ECSCR: variants seen among roughly 807,000 people sequenced by gnomAD.
ECSCR encodes the protein endothelial cell surface expressed chemotaxis and apoptosis regulator, also known as endothelial cell-specific chemotaxis regulator.
ECSCR carries 12 observed loss-of-function variants against 16.7 expected under a neutral mutation model. The ratio of observed to expected loss-of-function variants is 0.72; its 90% CI spans 0.46 to 1.17. The LOEUF (loss-of-function observed/expected upper bound fraction) is 1.17, where lower values mean the gene tolerates loss of function less well. ECSCR is among the 50% of genes most tolerant of loss of function. The pLI is 0.00. For synonymous variants in ECSCR, 44 were observed against 42.2 expected (o/e 1.04, Z -0.17); for missense variants, 122 against 116.1 (o/e 1.05, Z -0.23).
chr5:139,454,163 T>G (rs1295952866), intron 8 of ECSCR, among the ~76,000 whole-genome samples: 3 of 133,364 alleles, frequency 2.2e-5, no homozygotes, highest in Non-Finnish European at 4.8e-5. Context: ...GTGTGTGTGG[T>G]GTGTGGGTAT....
rs372781620 is a variant in ECSCR at position 139,451,354 on chromosome 5, T to C, written c.513-2180A>G. Among the ~76,000 whole-genome samples, 1,086 of 150,518 alleles carry C rather than the reference T, an allele frequency of 7.2e-3. 5 individuals are homozygous for C. The highest frequency in any genetic ancestry group is 0.012 in the South Asian group (57 of 4,778). On this transcript the variant is annotated intron_variant, in intron 8 of 9. Transcript: ENST00000618155. ...GTATATGTTGTGTGTATGTATAATA[T>C]GGGGTACATATGTGTTTTTTATGTG... is the stretch of plus-strand genomic sequence containing the variant.
rs1750970840 is a variant in ECSCR at position 139,449,007 on chromosome 5, C to A, written c.609+71G>T. The A allele has an allele frequency of 6.5e-6, 10 of 1,533,446 alleles. No individual in the cohort carries two copies. In the East Asian group the frequency reaches 2.4e-4, roughly 37 times the overall value. 95.0% of individuals were successfully genotyped at this position (1,533,446 alleles called of 1,614,324 possible). A position where few individuals can be genotyped will look rare whatever the true frequency, so the allele number is the denominator to read the frequency against. ...CAGAGTCTTTGAAAGTATCTCCTTT[C>A]TGGCCTGAAAGTAGGAGGAGGAAGG... On this transcript the variant is annotated intron_variant, in intron 9 of 9. Coordinates refer to ENST00000618155, the MANE Select transcript of ECSCR (RefSeq NM_001077693.4).
chr5:139,458,250 C>G (rs1193113306), intron 1 of ECSCR, 67 bp from the exon 2 acceptor site: 10 of 1,450,074 alleles, frequency 6.9e-6, no homozygotes, highest in Non-Finnish European at 9.5e-6. Context: ...AGAAAGGAAC[C>G]CTTAGAATGC....
chr5:139,460,034 C>G (rs1421510529), intron 1 of ECSCR, among the ~76,000 whole-genome samples: 1 of 152,158 alleles, frequency 6.6e-6, no homozygotes, highest in African/African-American at 2.4e-5. Flanking sequence ...AGAGAAAACC[C>G]TTTCTAGCTG....
chr5:139,462,508 G>A, intron 1 of ECSCR, 102 bp downstream of exon 1: 1 of 1,222,816 alleles, frequency 8.2e-7, no homozygotes, highest in East Asian at 2.5e-5. Flanking sequence ...CCTGGGCACA[G>A]CCCCTGGATG....
In ECSCR at chr5:139,449,071, A is replaced by T; in HGVS notation, c.609+7T>A. ...GGGGAAGGAAGGCAGGAAACAGAAA[A>T]ATGTACCTTCTCTGCTGAGAGACTT... On this transcript the variant is annotated splice_region_variant and intron_variant, in intron 9 of 9. Coordinates refer to ENST00000618155, the MANE Select transcript of ECSCR (RefSeq NM_001077693.4). 6.5e-7 allele frequency: 1 copy of T among 1,536,894 alleles called. No individual in the cohort carries two copies. Among genetic ancestry groups the T allele is most frequent in the Non-Finnish European group, 8.7e-7 (1 of 1,146,628 alleles).
At chr5:139,460,650 G>C (rs1051571109) in intron 1 of ECSCR, among the ~76,000 whole-genome samples, 2 of 152,078 alleles carry the variant, frequency 1.3e-5, no homozygotes, top group Non-Finnish European at 2.9e-5. Context: ...AGATTTCTCT[G>C]TGGGTAAGGG....
chr5:139,459,368 C>T (rs764587042), intron 1 of ECSCR, among the ~76,000 whole-genome samples: 35 of 152,096 alleles, frequency 2.3e-4, no homozygotes, highest in Non-Finnish European at 4.4e-4. Flanking sequence ...ATGAGCAACC[C>T]ATTCACTCTC....
chr5:139,456,266 A>C (rs1751157133), intron 5 of ECSCR, among the ~76,000 whole-genome samples: 1 of 152,018 alleles, frequency 6.6e-6, no homozygotes, highest in African/African-American at 2.4e-5. Flanking sequence ...CCTTCTCAAC[A>C]AAAAAAAGGT....
intron 1 of ECSCR, 30 bp from the exon 2 acceptor site, chr5:139,458,213 GTAA>G: frequency 6.5e-7 from 1 of 1,548,192 alleles, no homozygotes; most frequent in Middle Eastern, 2.3e-4. Flanking sequence ...ACATAGCTTG[GTAA>G]GTCCCCTGCC....
chr5:139,460,382 C>T (rs371932370), intron 1 of ECSCR, among the ~76,000 whole-genome samples: 15 of 152,278 alleles, frequency 9.9e-5, no homozygotes, highest in East Asian at 3.9e-4. Flanking sequence ...GTGATCCATT[C>T]GCCTCAGCAT....
chr5:139,456,256 C>T (rs1751156734), intron 5 of ECSCR, among the ~76,000 whole-genome samples: 1 of 152,172 alleles, frequency 6.6e-6, no homozygotes, highest in African/African-American at 2.4e-5. Context: ...GAACAAGACT[C>T]CTTCTCAACA....
chr5:139,461,764 G>A (rs542464707), intron 1 of ECSCR, among the ~76,000 whole-genome samples: 32 of 152,204 alleles, frequency 2.1e-4, no homozygotes, highest in African/African-American at 7.2e-4. Context: ...CACCACCGAC[G>A]AGGGGCCACC....
intron 6 of ECSCR, 76 bp downstream of exon 6, chr5:139,455,247 G>A (rs1200493408): frequency 1.7e-4 from 41 of 245,630 alleles, no homozygotes; most frequent in East Asian, 1.5e-3. Flanking sequence ...TTGAACTTGC[G>A]TTTCAGACCC....
In ECSCR at chr5:139,462,690, G is replaced by C; in HGVS notation, c.-20C>G. The stretch of plus-strand genomic sequence containing the variant: ...GCCCATGTCAGCTGGGTATGTGGCG[G>C]GCAGGCAGCAGCTCAGTGGAGGCTC... On this transcript the variant is annotated 5_prime_UTR_variant, in exon 1 of 10. Coordinates refer to ENST00000618155, the MANE Select transcript of ECSCR (RefSeq NM_001077693.4). 1 of 1,574,544 alleles carries C rather than the reference G, an allele frequency of 6.4e-7. No individual in the cohort carries two copies. Among genetic ancestry groups the C allele is most frequent in the South Asian group, 1.2e-5 (1 of 85,946 alleles).
chr5:139,455,412 T>A lies in ECSCR; in HGVS notation c.287A>T (p.Asn96Ile), dbSNP rs1182443490. The change falls in exon 6 of 10, where the codon AAT becomes ATT. Residue 96 changes from asparagine (N) to isoleucine (I), a missense_variant. Asn to Ile is a moderately radical substitution (Grantham distance 149). Transcript: ENST00000618155. ...SRDTFQTVPP[N>I]STTMSLSMRE... ...CATGCTCAGGCTCATGGTGGTTGAA[T>A]TGGGGGGAACAGTTTGAAATGTGTC... The A allele has an allele frequency of 1.5e-5, 6 of 398,516 alleles. No individual in the cohort carries two copies. The South Asian group carries it at 5.1e-4, about 34-fold the overall frequency. The allele number at this position is 398,516 out of a possible 1,614,324, so 24.7% of individuals were successfully genotyped here.
At position 139,454,885 on chromosome 5, in the gene ECSCR, TCAC is replaced by T. The variant is rs1261523176; in HGVS notation, c.412_414del (p.Val138del). On this transcript the variant is annotated inframe_deletion, in exon 7 of 10. Coordinates refer to ENST00000618155, the MANE Select transcript of ECSCR (RefSeq NM_001077693.4). ...AGGCTGACCACACCAACTAGGATGA[TCAC>T]CACAACCACCAGGATGACAATGAAG... 13 of 398,294 alleles carry T rather than the reference TCAC, an allele frequency of 3.3e-5. No individual in the cohort carries two copies. The East Asian group carries it at 4.3e-4, about 13-fold the overall frequency. The allele number at this position is 398,294 out of a possible 1,614,324, so 24.7% of individuals were successfully genotyped here. A position where few individuals can be genotyped will look rare whatever the true frequency, so the allele number is the denominator to read the frequency against.
intron 4 of ECSCR, among the ~76,000 whole-genome samples, chr5:139,456,960 C>A (rs1019927010): frequency 7.9e-5 from 12 of 152,192 alleles, no homozygotes; most frequent in South Asian, 4.1e-4. Context: ...CCAACCAGGT[C>A]GGGGAGAGCC....
At chr5:139,458,500 C>CAAAAAAAAAAATAAAAAAAA (rs1751215158) in intron 1 of ECSCR, among the ~76,000 whole-genome samples, 1 of 85,382 alleles carries the variant, frequency 1.2e-5, no homozygotes, top group African/African-American at 6.4e-5. Context: ...CCTATCTCAA[C>CAAAAAAAAAAATAAAAAAAA]AAAAAAAAAA....
Sources: gnomAD v4.1 joint callset for allele counts (sites outside exome capture counted in the v4.1 genomes callset) on GRCh38, gnomAD v4.1.1 for gene constraint, MANE v1.5 for transcripts, NCBI Gene and HGNC (gene_info 2026-07-23, HGNC 2026-07-21) for gene names.